Variants in LLGL2 observed in about 807,000 individuals in gnomAD.
LLGL2 encodes the protein LLGL scribble cell polarity complex component 2.
Under a neutral mutation model 123.2 loss-of-function variants are expected in LLGL2, and 81 were observed. The ratio of observed to expected loss-of-function variants is 0.66; its 90% CI spans 0.55 to 0.79. LLGL2 has a LOEUF of 0.79. Among genes scored for constraint, LLGL2 ranks in the 30% least tolerant of loss-of-function variants. The probability of loss-of-function intolerance (pLI) is 0.00; values close to 1 mark genes in which losing one functional copy is unlikely to be tolerated. For missense variants in LLGL2, 1,273 were observed against 1,414.6 expected, an observed-to-expected ratio of 0.90 and a Z score of 1.61; for synonymous variants, 577 against 594.1, an observed-to-expected ratio of 0.97 and a Z score of 0.42.
chr17:75,554,073 G>A (rs531744285), intron 2 of LLGL2, among the ~76,000 whole-genome samples: 11 of 151,978 alleles, frequency 7.2e-5, no homozygotes, highest in Admixed American at 2.6e-4. Context: ...AGGCCAAGGC[G>A]GGCAGATCAC....
In LLGL2 at chr17:75,573,979, G is replaced by C. The variant is rs370274464; in HGVS notation, c.2904G>C (p.Glu968Asp). Residue 968 changes from glutamate (E) to aspartate (D), a missense_variant and splice_region_variant, in exon 22 of 26, where the codon GAG (glutamate) becomes GAC (aspartate). Physicochemically the swap from Glu to Asp is conservative, Grantham distance 45. Coordinates refer to ENST00000392550, the MANE Select transcript of LLGL2 (RefSeq NM_001031803.2). Reference sequence around the variant, plus strand: ...ACTCAGGGACTCAGAGTGATGGCGAGGGTAAGACAGGCCTCCTGGGCTCAT... The same window carrying C: ...ACTCAGGGACTCAGAGTGATGGCGACGGTAAGACAGGCCTCCTGGGCTCAT... Reference protein sequence around the residue: ...ARNSGTQSDGEEKQPGLVMER... With the variant: ...ARNSGTQSDGDEKQPGLVMER... 3 of 1,550,872 alleles carry C rather than the reference G, an allele frequency of 1.9e-6. No individual in the cohort carries two copies. The highest frequency in any genetic ancestry group is 3.9e-5 in the Admixed American group (2 of 51,014).
At chr17:75,565,316 G>A (rs1390386817) in intron 10 of LLGL2, among the ~76,000 whole-genome samples, 1 of 152,248 alleles carries the variant, frequency 6.6e-6, no homozygotes, top group Non-Finnish European at 1.5e-5. Flanking sequence ...CTCTCCAGGA[G>A]GGAGGGCCCT....
chr17:75,526,015 C>G (rs866306702), intron 1 of LLGL2, among the ~76,000 whole-genome samples, 190 bp downstream of exon 1: 1 of 152,138 alleles, frequency 6.6e-6, no homozygotes, highest in South Asian at 2.1e-4. Context: ...GTAGAAAGTT[C>G]TGCGGGAAAC....
rs1391679970 is a variant in LLGL2, at chr17:75,559,185, G to A, written c.372-67G>A. 2 of 1,478,624 alleles carry A rather than the reference G, an allele frequency of 1.4e-6. No individual in the cohort carries two copies. Among genetic ancestry groups the A allele is most frequent in the Non-Finnish European group, 1.8e-6 (2 of 1,113,776 alleles). The allele number at this position is 1,478,624 out of a possible 1,614,324, so 91.6% of individuals were successfully genotyped here. A position where few individuals can be genotyped will look rare whatever the true frequency, so the allele number is the denominator to read the frequency against. ...TGGGCTTGTTTTCCGAGGAGTCAGGGGACCCCGTCCATGGCATCTCCCCTG... is the reference window on the plus strand; with the variant it reads ...TGGGCTTGTTTTCCGAGGAGTCAGGAGACCCCGTCCATGGCATCTCCCCTG... On this transcript the variant is annotated intron_variant, in intron 5 of 25. Coordinates refer to ENST00000392550, the MANE Select transcript of LLGL2 (RefSeq NM_001031803.2). The surrounding 1 kb of genome is among the most constrained non-coding windows in gnomAD (Gnocchi z 4.6).
intron 2 of LLGL2, among the ~76,000 whole-genome samples, chr17:75,553,249 T>G (rs2054756561): frequency 6.6e-6 from 1 of 152,232 alleles, no homozygotes; most frequent in South Asian, 2.1e-4. Flanking sequence ...TCTGTCCCCC[T>G]GGCTATCCCA....
At chr17:75,574,720 G>A in intron 25 of LLGL2, 52 bp downstream of exon 25, 2 of 1,601,964 alleles carry the variant, frequency 1.2e-6, no homozygotes, top group Middle Eastern at 1.7e-4. Flanking sequence ...GAAGGGCTGG[G>A]AGGAAGAGCC....
chr17:75,525,522 C>G (rs2053525306), upstream of LLGL2, among the ~76,000 whole-genome samples: 4 of 151,134 alleles, frequency 2.6e-5, no homozygotes, highest in Admixed American at 2.6e-4. The surrounding 1 kb of genome is among the most constrained non-coding windows in gnomAD (Gnocchi z 4.8). Context: ...CGAGGCCGTT[C>G]GCGAGGCCCC....
rs1355446665 is a variant in LLGL2 at position 75,569,097 on chromosome 17, C to T, written c.1442C>T (p.Ala481Val). ...ACGGACCCCAACGAGAACTTCAGTG[C>T]CCAGGGCGAGGACGAGTGGCCCCCA... Reference protein sequence around the residue: ...TDTDPNENFSAQGEDEWPPLR... With the variant: ...TDTDPNENFSVQGEDEWPPLR... The change falls in exon 13 of 26, where the codon GCC becomes GTC. Residue 481 changes from alanine to valine, a missense_variant. Ala to Val is a moderately conservative substitution (Grantham distance 64). Transcript: ENST00000392550. 2 of 1,613,146 alleles carry T rather than the reference C, an allele frequency of 1.2e-6. No homozygotes were observed. Among genetic ancestry groups the T allele is most frequent in the African/African-American group, 2.7e-5 (2 of 74,916 alleles).
At chr17:75,550,873 C>G (rs1313418929) in intron 2 of LLGL2, among the ~76,000 whole-genome samples, 1 of 151,938 alleles carries the variant, frequency 6.6e-6, no homozygotes, top group Non-Finnish European at 1.5e-5. Flanking sequence ...CGTTCTTTCC[C>G]TGACTGGTTT....
chr17:75,554,302 C>CCAAA (rs2054805312), intron 2 of LLGL2, among the ~76,000 whole-genome samples: 1 of 133,968 alleles, frequency 7.5e-6, no homozygotes, highest in African/African-American at 3.1e-5. Flanking sequence ...AACTCCGTCT[C>CCAAA]AAAAAAAAAA....
chr17:75,543,935 C>T (rs933313837), intron 2 of LLGL2, among the ~76,000 whole-genome samples: 12 of 152,170 alleles, frequency 7.9e-5, no homozygotes, highest in Non-Finnish European at 1.2e-4. Flanking sequence ...GGCTGTTTCT[C>T]CCTTCTCAAA....
intron 14 of LLGL2, among the ~76,000 whole-genome samples, chr17:75,569,721 T>C (rs1164910485): frequency 6.6e-6 from 1 of 151,362 alleles, no homozygotes; most frequent in Non-Finnish European, 1.5e-5. Context: ...GAGAATCACT[T>C]GAACCTGGGA....
intron 2 of LLGL2, among the ~76,000 whole-genome samples, chr17:75,545,774 A>G (rs1191320742): frequency 6.6e-6 from 1 of 152,138 alleles, no homozygotes; most frequent in Non-Finnish European, 1.5e-5. Context: ...GTTAGGAGAC[A>G]TTGCCCCGAC....
intron 2 of LLGL2, among the ~76,000 whole-genome samples, chr17:75,547,827 A>G (rs1402988790): frequency 6.7e-6 from 1 of 149,962 alleles, no homozygotes; most frequent in Non-Finnish European, 1.5e-5. Context: ...CCTGTCTCAA[A>G]AAAAAAAAAA....
At chr17:75,532,055 T>TACACACACACACACACACACACACAC (rs10526094) in intron 1 of LLGL2, among the ~76,000 whole-genome samples, 1 of 93,738 alleles carries the variant, frequency 1.1e-5, no homozygotes, top group African/African-American at 3.5e-5. Flanking sequence ...TATGTATATA[T>TACACACACACACACACACACACACAC]ACACACACAC....
In LLGL2 at chr17:75,571,054, A is replaced by G; in HGVS notation, c.2130A>G (p.Thr710=). The change falls in exon 17 of 26, where the codon ACA becomes ACG. Residue 710 remains threonine (T), a synonymous_variant. Coordinates refer to ENST00000392550, the MANE Select transcript of LLGL2 (RefSeq NM_001031803.2). ...CTCGCTCGGCAGAGGACTCCTTCAC[A>G]GGCTTCGTCCGGACCCTGTACTTTG... ...IEARSAEDSF[T]GFVRTLYFAD... 1 of 1,609,650 alleles carries G rather than the reference A, an allele frequency of 6.2e-7. No individual in the cohort carries two copies.
At chr17:75,560,802 T>TAAAAAAA (rs372940306) in intron 6 of LLGL2, among the ~76,000 whole-genome samples, 7 of 96,116 alleles carry the variant, frequency 7.3e-5, no homozygotes, top group Non-Finnish European at 1.1e-4. Flanking sequence ...GTTTATTTAT[T>TAAAAAAA]AAAAAAAAAA....
intron 2 of LLGL2, among the ~76,000 whole-genome samples, chr17:75,552,994 T>A (rs529110511): frequency 4.6e-5 from 7 of 152,288 alleles, no homozygotes; most frequent in South Asian, 4.1e-4. Context: ...AGTGCTGCTG[T>A]CCTGGGAGAC....
intron 1 of LLGL2, among the ~76,000 whole-genome samples, chr17:75,540,211 T>C (rs1467672232): frequency 6.6e-6 from 1 of 152,196 alleles, no homozygotes; most frequent in Non-Finnish European, 1.5e-5. Flanking sequence ...GATCTGTTCA[T>C]ACCAGGCGTC....
Sources: allele counts gnomAD v4.1 joint callset (sites outside exome capture counted in the v4.1 genomes callset), GRCh38; gene constraint gnomAD v4.1.1; non-coding constraint Gnocchi (gnomAD v3.1); transcripts MANE v1.5; gene names NCBI Gene and HGNC (gene_info 2026-07-23, HGNC 2026-07-21).